Variants in RNASE11 observed in about 807,000 individuals in gnomAD.
RNASE11 encodes the protein putative inactive ribonuclease 11.
For synonymous variants in RNASE11, 105 were observed against 86.1 expected (o/e 1.22, Z -1.21); for missense variants, 252 against 237.8 (o/e 1.06, Z -0.39).
At chr14:20,587,936 G>A, upstream of RNASE11, 2 of 779,322 alleles carry the variant, frequency 2.6e-6, no homozygotes, top group Non-Finnish European at 3.1e-6. Flanking sequence ...AAAAGATCAG[G>A]ACAGAGAGTG....
At chr14:20,587,739 T>C, upstream of RNASE11, 1 of 985,470 alleles carries the variant, frequency 1.0e-6, no homozygotes, top group Non-Finnish European at 1.2e-6. Context: ...CGTTGCCTAC[T>C]CACAAGGTTG....
Position 20,584,594 on chromosome 14 carries a change from T to C in RNASE11, c.-22-98A>G, listed in dbSNP as rs530085459. Reference sequence around the variant, plus strand: ...TATTCCTGGTAGGGACCCCTACATGTAGGTTAAAATTTTTATATCTGTGAA... The same window carrying C: ...TATTCCTGGTAGGGACCCCTACATGCAGGTTAAAATTTTTATATCTGTGAA... On this transcript the variant is annotated intron_variant, in intron 1 of 1. Coordinates refer to ENST00000553849, the Ensembl canonical transcript of RNASE11. 132 of 972,292 alleles carry C rather than the reference T, an allele frequency of 1.4e-4. 1 individual carries two copies. In the East Asian group the frequency reaches 3.3e-3, roughly 25 times the overall value. The allele number at this position is 972,292 out of a possible 1,614,324, so 60.2% of individuals were successfully genotyped here.
At chr14:20,584,268 A>G (rs1884382655) in exon 2 of RNASE11, 1 of 1,614,214 alleles carries the variant, frequency 6.2e-7, no homozygotes, top group Non-Finnish European at 8.5e-7. Flanking sequence ...AAGACATATC[A>G]TCCTTGGACA....
intron 1 of RNASE11, among the ~76,000 whole-genome samples, chr14:20,586,161 A>G (rs886489045): frequency 2.6e-5 from 4 of 152,244 alleles, no homozygotes; most frequent in South Asian, 2.1e-4. Context: ...CAATCTGCCT[A>G]TCGGGATTTA....
At chr14:20,586,553 G>C (rs999740211) in intron 1 of RNASE11, among the ~76,000 whole-genome samples, 19 of 152,218 alleles carry the variant, frequency 1.2e-4, no homozygotes, top group Admixed American at 1.0e-3. Context: ...AGATTATTAA[G>C]AATTAAGTAT....
upstream of RNASE11, among the ~76,000 whole-genome samples, chr14:20,588,692 A>G (rs1884488479): frequency 6.6e-6 from 1 of 152,246 alleles, no homozygotes; most frequent in African/African-American, 2.4e-5. Flanking sequence ...GGCTGAGGTT[A>G]ATGAGACACT....
exon 2 of RNASE11, chr14:20,584,273 T>C (rs755579045): frequency 1.2e-6 from 2 of 1,614,238 alleles, no homozygotes; most frequent in South Asian, 2.2e-5. Context: ...ATATCATCCT[T>C]GGACATGCTG....
At chr14:20,587,495 A>T (rs1884460769) in intron 1 of RNASE11, 68 bp downstream of exon 2, 16 of 753,704 alleles carry the variant, frequency 2.1e-5, no homozygotes, top group Non-Finnish European at 2.4e-5. Context: ...CATTTCATCC[A>T]CTTCAAAGTT....
chr14:20,588,083 A>G (rs988223139), upstream of RNASE11: 10 of 152,584 alleles, frequency 6.6e-5, no homozygotes, highest in African/African-American at 2.4e-4. Context: ...ATTGCCCCTT[A>G]TTTCTTACTA....
upstream of RNASE11, chr14:20,587,850 G>GT (rs1884469010): frequency 5.1e-6 from 5 of 985,250 alleles, no homozygotes; most frequent in Non-Finnish European, 6.0e-6. Context: ...AACAACTAGC[G>GT]TAAGTGCACC....
At chr14:20,589,682 T>G (rs1020675405), upstream of RNASE11, among the ~76,000 whole-genome samples, 13 of 151,196 alleles carry the variant, frequency 8.6e-5, no homozygotes, top group Non-Finnish European at 1.8e-4. Context: ...AGGTCAGGAG[T>G]TTGAGACCAG....
chr14:20,583,787 A>G, exon 2 of RNASE11: 1 of 1,381,204 alleles, frequency 7.2e-7, no homozygotes, highest in Non-Finnish European at 9.8e-7. Flanking sequence ...ATAGTGCTAA[A>G]GAGTAGATAT....
chr14:20,585,051 G>A (rs1427859537), intron 1 of RNASE11: 1 of 984,672 alleles, frequency 1.0e-6, no homozygotes, highest in Non-Finnish European at 1.2e-6. Flanking sequence ...AGTTGATCCT[G>A]TAGAGGAAGA....
At chr14:20,583,102 C>A (rs1169811583), downstream of RNASE11, 3 of 152,214 alleles carry the variant, frequency 2.0e-5, no homozygotes, top group Non-Finnish European at 1.5e-5. Context: ...TATCATAAGA[C>A]ATCAAGGTTG....
At chr14:20,584,328 A>C in exon 2 of RNASE11, 42 of 1,611,468 alleles carry the variant, frequency 2.6e-5, no homozygotes, top group Non-Finnish European at 3.4e-5. Flanking sequence ...TTAATATCTC[A>C]ATGGTCTGTT....
chr14:20,585,476 ATTAT>A lies in RNASE11; in HGVS notation c.-22-984_-22-981del, dbSNP rs529936687. On this transcript the variant is annotated intron_variant, in intron 1 of 1. Transcript: ENST00000553849. ...CCTCGAGCCTGAAACACAGTTTCTG[ATTAT>A]TTATACTTTTATTCATATAGAATCA... 6.5e-3 allele frequency among the ~76,000 whole-genome samples: 994 copies of A among 152,282 alleles called. 10 individuals carry two copies. The highest frequency in any genetic ancestry group is 0.034 in the Middle Eastern group (10 of 292).
At chr14:20,590,211 C>A, upstream of RNASE11, 1 of 1,575,366 alleles carries the variant, frequency 6.3e-7, no homozygotes, top group South Asian at 1.2e-5. Context: ...CGGTCCAGGT[C>A]TGCCTCAGGC....
upstream of RNASE11, chr14:20,587,890 C>T: frequency 3.1e-6 from 3 of 968,634 alleles, no homozygotes; most frequent in African/African-American, 1.8e-5. Context: ...TGAACTAAGT[C>T]CAAATGAGCA....
upstream of RNASE11, chr14:20,587,729 C>G: frequency 1.0e-6 from 1 of 985,400 alleles, no homozygotes. Flanking sequence ...GATGAGTAAG[C>G]GTTGCCTACT....
Sources: allele counts gnomAD v4.1 joint callset (sites outside exome capture counted in the v4.1 genomes callset), GRCh38; gene constraint gnomAD v4.1.1; transcripts MANE v1.5; gene names NCBI Gene and HGNC (gene_info 2026-07-23, HGNC 2026-07-21).